The following LRBA variants were observed in gnomAD, a reference collection of about 807,000 sequenced individuals.
LRBA encodes LPS responsive beige-like anchor protein, also known as lipopolysaccharide-responsive and beige-like anchor protein.
A neutral mutation model predicts 330.0 loss-of-function variants in LRBA; 176 were observed. That is an observed-to-expected ratio of 0.53 (90% CI 0.47 to 0.60). The LOEUF (loss-of-function observed/expected upper bound fraction) is 0.60, where lower values mean the gene tolerates loss of function less well. Among genes scored for constraint, LRBA ranks in the 20% least tolerant of loss-of-function variants. The pLI, the probability that LRBA is intolerant of heterozygous loss-of-function variation, is 0.00. For synonymous variants in LRBA, 1,230 were observed against 1,193.0 expected, an observed-to-expected ratio of 1.03 and a Z score of -0.64; for missense variants, 3,259 against 3,444.8, an observed-to-expected ratio of 0.95 and a Z score of 1.35.
At chr4:150,836,118 T>C (rs1292635674) in intron 28 of LRBA, among the ~76,000 whole-genome samples, 5 of 152,234 alleles carry the variant, frequency 3.3e-5, no homozygotes, top group African/African-American at 1.2e-4. Context: ...GATTTCCATA[T>C]GTTGAACCAG....
rs57119340 is a variant in LRBA at position 150,346,757 on chromosome 4, C to CAAAAAAA, written c.7362+3228_7362+3234dup. ...CTGGCAACAATGTGAGACTCTGTCT[C>CAAAAAAA]AAAAAAAAAAAAAAAAAAAAAAAAA... On this transcript the variant is annotated intron_variant, in intron 48 of 56. Transcript: ENST00000651943. Among the ~76,000 whole-genome samples, 14 of 66,136 alleles carry CAAAAAAA rather than the reference C, an allele frequency of 2.1e-4. 1 individual carries two copies. Among genetic ancestry groups the CAAAAAAA allele is most frequent in the African/African-American group, 1.1e-3 (14 of 12,878 alleles). 43.4% of individuals were successfully genotyped at this position (66,136 alleles called of 152,430 possible).
chr4:150,776,793 A>C (rs1254783132), intron 34 of LRBA, among the ~76,000 whole-genome samples: 1 of 152,116 alleles, frequency 6.6e-6, no homozygotes, highest in African/African-American at 2.4e-5. Flanking sequence ...CTGGATGACA[A>C]AGTGAGACTC....
At chr4:150,913,119 C>A (rs1732196767) in intron 9 of LRBA, among the ~76,000 whole-genome samples, 1 of 152,114 alleles carries the variant, frequency 6.6e-6, no homozygotes, top group African/African-American at 2.4e-5. Flanking sequence ...ACTTTGTTGA[C>A]ACTTGTTTTG....
intron 42 of LRBA, among the ~76,000 whole-genome samples, chr4:150,472,933 C>T (rs1234345482): frequency 1.3e-5 from 2 of 151,948 alleles, no homozygotes; most frequent in Admixed American, 6.6e-5. Flanking sequence ...AATAATGCTA[C>T]CATAAACATT....
intron 47 of LRBA, among the ~76,000 whole-genome samples, chr4:150,377,753 T>G (rs1252745579): frequency 6.6e-6 from 1 of 152,176 alleles, no homozygotes; most frequent in Non-Finnish European, 1.5e-5. Flanking sequence ...TAAATGTTTT[T>G]TATACCAATT....
At chr4:150,750,133 A>C (rs572210429) in intron 35 of LRBA, among the ~76,000 whole-genome samples, 1 of 152,224 alleles carries the variant, frequency 6.6e-6, no homozygotes, top group African/African-American at 2.4e-5. Flanking sequence ...CACTCCCTAA[A>C]AGCCAGTATG....
At chr4:150,668,472 ATTTTG>A (rs1781760854) in intron 37 of LRBA, among the ~76,000 whole-genome samples, 1 of 152,178 alleles carries the variant, frequency 6.6e-6, no homozygotes, top group Non-Finnish European at 1.5e-5. Flanking sequence ...ACTTTATTTT[ATTTTG>A]TTTTTAATTA....
At chr4:150,590,919 G>A (rs1037293265) in intron 38 of LRBA, 60 bp from the exon 39 acceptor site, 4 of 1,558,436 alleles carry the variant, frequency 2.6e-6, no homozygotes, top group Non-Finnish European at 3.5e-6. Context: ...TCGGCAGAGG[G>A]GTAGGGGCTT....
At chr4:150,932,408 G>A (rs1734615616) in intron 2 of LRBA, among the ~76,000 whole-genome samples, 2 of 147,026 alleles carry the variant, frequency 1.4e-5, no homozygotes, top group African/African-American at 2.5e-5. Context: ...TGAACAAAAA[G>A]GTAAATAAAA....
intron 40 of LRBA, among the ~76,000 whole-genome samples, chr4:150,569,588 T>C (rs571611978): frequency 1.3e-5 from 2 of 152,260 alleles, no homozygotes; most frequent in African/African-American, 4.8e-5. Flanking sequence ...GAGACTGCAG[T>C]TTTATCTCAT....
At chr4:150,605,283 TA>T (rs1774514253) in intron 37 of LRBA, among the ~76,000 whole-genome samples, 1 of 152,224 alleles carries the variant, frequency 6.6e-6, no homozygotes, top group South Asian at 2.1e-4. Flanking sequence ...CATTTTAATG[TA>T]ACTTAAATAT....
intron 40 of LRBA, among the ~76,000 whole-genome samples, chr4:150,547,061 A>G (rs1043304747): frequency 1.3e-5 from 2 of 152,188 alleles, no homozygotes; most frequent in African/African-American, 4.8e-5. Flanking sequence ...TGTCTATTAG[A>G]GCCAAATGAA....
At chr4:150,873,154 T>A (rs1753628431) in intron 17 of LRBA, among the ~76,000 whole-genome samples, 1 of 152,014 alleles carries the variant, frequency 6.6e-6, no homozygotes, top group Non-Finnish European at 1.5e-5. Context: ...ATTGTCGCCA[T>A]GAAAAACAAG....
intron 44 of LRBA, among the ~76,000 whole-genome samples, chr4:150,463,152 G>A (rs541542016): frequency 4.6e-5 from 7 of 152,002 alleles, no homozygotes; most frequent in African/African-American, 1.7e-4. Context: ...TTTAATGAAA[G>A]CAATTAGTAC....
chr4:150,318,865 G>A (rs1215796229), intron 50 of LRBA, among the ~76,000 whole-genome samples: 1 of 152,132 alleles, frequency 6.6e-6, no homozygotes, highest in African/African-American at 2.4e-5. Context: ...GAACCTTGCA[G>A]TTCCCCTAGC....
chr4:150,749,831 CTTA>C (rs1733301047), intron 35 of LRBA, among the ~76,000 whole-genome samples: 1 of 152,064 alleles, frequency 6.6e-6, no homozygotes, highest in East Asian at 1.9e-4. Context: ...AAACTCTGCT[CTTA>C]CTGAATATGG....
chr4:150,372,904 A>C (rs1581140291), intron 47 of LRBA, among the ~76,000 whole-genome samples: 1 of 151,674 alleles, frequency 6.6e-6, no homozygotes, highest in East Asian at 1.9e-4. Context: ...GACTAGTCAT[A>C]AAAGATATTG....
At chr4:150,502,061 T>A (rs1760353619) in intron 40 of LRBA, among the ~76,000 whole-genome samples, 1 of 152,278 alleles carries the variant, frequency 6.6e-6, no homozygotes, top group Non-Finnish European at 1.5e-5. Context: ...GAGTAGCAGA[T>A]CAGAGAGAGC....
chr4:150,335,618 G>A (rs1359537687), intron 48 of LRBA, among the ~76,000 whole-genome samples: 2 of 151,676 alleles, frequency 1.3e-5, no homozygotes, highest in Non-Finnish European at 2.9e-5. Context: ...CAGTAAGTGT[G>A]TGATATTATT....
Sources: gnomAD v4.1 joint callset for allele counts (sites outside exome capture counted in the v4.1 genomes callset) on GRCh38, gnomAD v4.1.1 for gene constraint, MANE v1.5 for transcripts, NCBI Gene and HGNC (gene_info 2026-07-23, HGNC 2026-07-21) for gene names.